Variants in PTPRD observed in about 807,000 individuals in gnomAD.
PTPRD encodes the protein receptor-type tyrosine-protein phosphatase delta.
PTPRD carries 34 observed loss-of-function variants against 214.5 expected under a neutral mutation model. That is an observed-to-expected ratio of 0.16 (90% CI 0.12 to 0.21). The LOEUF (loss-of-function observed/expected upper bound fraction) is 0.21. PTPRD is among the 10% of genes least tolerant of loss of function. The pLI is 1.00. For synonymous variants in PTPRD, 1,128 were observed against 845.7 expected (o/e 1.33, Z -5.79); for missense variants, 2,545 against 2,398.7 (o/e 1.06, Z -1.27).
chr9:8,426,709 T>C (rs956748918), intron 35 of PTPRD, among the ~76,000 whole-genome samples: 4 of 151,378 alleles, frequency 2.6e-5, no homozygotes, highest in Non-Finnish European at 5.9e-5. Flanking sequence ...GAGAGTCCCT[T>C]AAGACGGGTA....
intron 10 of PTPRD, among the ~76,000 whole-genome samples, chr9:9,077,168 T>C (rs2154417020): frequency 7.0e-6 from 1 of 142,516 alleles, no homozygotes; most frequent in African/African-American, 2.6e-5. Context: ...TTTTTTTTTT[T>C]CTGTAGAGTT....
intron 5 of PTPRD, among the ~76,000 whole-genome samples, chr9:9,792,511 T>C (rs1442141317): frequency 6.6e-6 from 1 of 152,214 alleles, no homozygotes; most frequent in Non-Finnish European, 1.5e-5. Flanking sequence ...CCCACTGGCA[T>C]TCTTCTCCTA....
chr9:10,227,131 A>G (rs1198620052), intron 3 of PTPRD, among the ~76,000 whole-genome samples: 1 of 152,026 alleles, frequency 6.6e-6, no homozygotes, highest in Non-Finnish European at 1.5e-5. Context: ...ATGGAAGCTA[A>G]TATTGTAGCT....
intron 2 of PTPRD, among the ~76,000 whole-genome samples, chr9:10,386,592 T>C (rs1360859731): frequency 1.3e-5 from 2 of 151,826 alleles, no homozygotes; most frequent in African/African-American, 2.4e-5. Context: ...TAGGAGGTTG[T>C]AGACCATTAG....
chr9:8,706,427 A>G (rs2154400006), intron 12 of PTPRD, among the ~76,000 whole-genome samples: 1 of 152,348 alleles, frequency 6.6e-6, no homozygotes, highest in Non-Finnish European at 1.5e-5. Flanking sequence ...AGCATCTCAC[A>G]TTTCAGCAGC....
intron 11 of PTPRD, among the ~76,000 whole-genome samples, chr9:8,898,822 T>C (rs1375734775): frequency 2.6e-5 from 4 of 152,146 alleles, no homozygotes; most frequent in Non-Finnish European, 4.4e-5. Context: ...TGAAAGGTCA[T>C]ATTAAGTAGG....
At chr9:8,599,223 C>T (rs1408650214) in intron 14 of PTPRD, among the ~76,000 whole-genome samples, 1 of 152,066 alleles carries the variant, frequency 6.6e-6, no homozygotes, top group Non-Finnish European at 1.5e-5. Context: ...TGAGACCTAC[C>T]CAACCATGTG....
chr9:8,436,538 A>C, intron 35 of PTPRD, 54 bp downstream of exon 35: 1 of 1,394,676 alleles, frequency 7.2e-7, no homozygotes, highest in East Asian at 2.3e-5. Context: ...TATGGTCAAA[A>C]AAAGAGAAGA....
chr9:8,401,187 T>C (rs1432357749), intron 36 of PTPRD, among the ~76,000 whole-genome samples: 1 of 150,442 alleles, frequency 6.6e-6, no homozygotes, highest in Non-Finnish European at 1.5e-5. Flanking sequence ...TTTTTCCAGA[T>C]GGGGTCTGGT....
At position 8,793,781 on chromosome 9, in the gene PTPRD, G is replaced by GA. The variant is rs573262167; in HGVS notation, c.-103-59836dup. On this transcript the variant is annotated intron_variant, in intron 11 of 45. Transcript: ENST00000381196. ...AGTGCTTTATTTGGATATTAGAACAGAAAAAAAAACCTATACTGAAAGTGT... is the reference window on the plus strand; with the variant it reads ...AGTGCTTTATTTGGATATTAGAACAGAAAAAAAAAACCTATACTGAAAGTGT... Among the ~76,000 whole-genome samples the GA allele has an allele frequency of 3.2e-3, 485 of 150,754 alleles. 4 individuals carry two copies. Among genetic ancestry groups the GA allele is most frequent in the African/African-American group, 0.011 (449 of 41,140 alleles).
intron 9 of PTPRD, among the ~76,000 whole-genome samples, chr9:9,225,927 C>A (rs2099959182): frequency 6.6e-6 from 1 of 151,964 alleles, no homozygotes. Flanking sequence ...CTCTTCTTCA[C>A]AAGCCCAGAC....
Position 10,247,676 on chromosome 9 carries a change from A to G in PTPRD, c.-545+93287T>C, listed in dbSNP as rs545740337. Among the ~76,000 whole-genome samples the G allele has an allele frequency of 7.9e-5, 12 of 152,276 alleles. No homozygotes were observed. In the South Asian group the frequency reaches 2.5e-3, roughly 32 times the overall value. Reference sequence around the variant, plus strand: ...ATTGTAGAAATAAAAGAAAATTCATACATCTCACTGTTTTTCATGTTTATT... The same window carrying G: ...ATTGTAGAAATAAAAGAAAATTCATGCATCTCACTGTTTTTCATGTTTATT... On this transcript the variant is annotated intron_variant, in intron 3 of 45. Coordinates refer to ENST00000381196, the MANE Select transcript of PTPRD (RefSeq NM_002839.4).
At chr9:10,107,440 C>T (rs775682735) in intron 3 of PTPRD, among the ~76,000 whole-genome samples, 3 of 151,958 alleles carry the variant, frequency 2.0e-5, no homozygotes, top group Non-Finnish European at 4.4e-5. Flanking sequence ...AGAAGCAGCC[C>T]TGGAATTGCC....
At chr9:9,374,976 G>C (rs773898910) in intron 9 of PTPRD, among the ~76,000 whole-genome samples, 3 of 152,140 alleles carry the variant, frequency 2.0e-5, no homozygotes, top group Non-Finnish European at 4.4e-5. Context: ...TGGATATCAT[G>C]AGCAAAAATA....
At chr9:8,546,845 G>C (rs555376524) in intron 14 of PTPRD, among the ~76,000 whole-genome samples, 2 of 152,088 alleles carry the variant, frequency 1.3e-5, no homozygotes, top group Non-Finnish European at 2.9e-5. Flanking sequence ...TTATGTTATG[G>C]ACATGATGCA....
intron 11 of PTPRD, among the ~76,000 whole-genome samples, chr9:8,942,504 G>A (rs951904134): frequency 3.3e-5 from 5 of 152,130 alleles, no homozygotes; most frequent in Non-Finnish European, 7.3e-5. Context: ...ACACTTCACT[G>A]AGTGTGGCCA....
chr9:10,511,618 G>A (rs2048069667), intron 2 of PTPRD, among the ~76,000 whole-genome samples: 1 of 134,314 alleles, frequency 7.4e-6, no homozygotes, highest in African/African-American at 2.9e-5. Flanking sequence ...ATTTCATCAT[G>A]TTGGTCAGGC....
intron 36 of PTPRD, among the ~76,000 whole-genome samples, chr9:8,394,883 G>A (rs2090670170): frequency 6.6e-6 from 1 of 152,098 alleles, no homozygotes; most frequent in Non-Finnish European, 1.5e-5. Flanking sequence ...AAAGCAAGAG[G>A]AAGTAGTGGT....
At chr9:9,542,468 A>T (rs1205991264) in intron 8 of PTPRD, among the ~76,000 whole-genome samples, 1 of 151,798 alleles carries the variant, frequency 6.6e-6, no homozygotes, top group Admixed American at 6.6e-5. Context: ...ATTGAATTTC[A>T]TCAAAATTAA....
Sources: gnomAD v4.1 joint callset for allele counts (sites outside exome capture counted in the v4.1 genomes callset) on GRCh38, gnomAD v4.1.1 for gene constraint, MANE v1.5 for transcripts, NCBI Gene and HGNC (gene_info 2026-07-23, HGNC 2026-07-21) for gene names.